GRTP1: variants seen among roughly 807,000 people sequenced by gnomAD.
GRTP1 encodes the protein growth hormone-regulated TBC protein 1.
In GRTP1, 56 loss-of-function variants were observed where a neutral mutation model predicts 38.1. The observed-to-expected ratio is 1.47, with a 90% CI of 1.19 to 1.84. The LOEUF (loss-of-function observed/expected upper bound fraction) is 1.84, where lower values mean the gene tolerates loss of function less well. GRTP1 is among the 40% of genes most tolerant of loss of function. GRTP1 has a pLI of 0.00. For missense variants in GRTP1, 506 were observed against 453.9 expected, an observed-to-expected ratio of 1.11 and a Z score of -1.04; for synonymous variants, 217 against 189.5, an observed-to-expected ratio of 1.14 and a Z score of -1.19.
In GRTP1 at chr13:113,331,265, C is replaced by T. The variant is rs539058184; in HGVS notation, c.563-5174G>A. ...CTTCCCAACAGACATGGTCTTTGCTCCTCATCTGAGCCACAGGATTGACCA... is the reference window on the plus strand; with the variant it reads ...CTTCCCAACAGACATGGTCTTTGCTTCTCATCTGAGCCACAGGATTGACCA... On this transcript the variant is annotated intron_variant, in intron 5 of 7. Transcript: ENST00000375431. Among the ~76,000 whole-genome samples, 14 of 152,316 alleles carry T rather than the reference C, an allele frequency of 9.2e-5. No homozygotes were observed. In the South Asian group the frequency reaches 1.7e-3, roughly 18 times the overall value.
At chr13:113,335,284 G>A (rs939398543) in intron 5 of GRTP1, among the ~76,000 whole-genome samples, 4 of 151,978 alleles carry the variant, frequency 2.6e-5, no homozygotes, top group Admixed American at 6.5e-5. Flanking sequence ...GAGGCTGGCC[G>A]TGGTGGTGTG....
chr13:113,330,308 G>A (rs1346609733), intron 5 of GRTP1, among the ~76,000 whole-genome samples: 1 of 126,854 alleles, frequency 7.9e-6, no homozygotes, highest in Non-Finnish European at 1.6e-5. Flanking sequence ...TGCGTGCATG[G>A]AGCCCAGGTG....
At position 113,325,719 on chromosome 13, in the gene GRTP1, T is replaced by C. The variant is rs375273020; in HGVS notation, c.863A>G (p.Asp288Gly). ...LEATSVPDIC[D>G]KFKQITKGSF... ...CCCTTTGGTTATCTGCTTAAACTTA[T>C]CGCAAATGTCTGGAACGCTGGTGGC... is the stretch of plus-strand genomic sequence containing the variant. The change falls in exon 7 of 8, where the codon GAT becomes GGT. Residue 288 changes from aspartate to glycine, a missense_variant. By Grantham distance (94) the Asp-to-Gly change is moderately conservative. Transcript: ENST00000375431. The C allele has an allele frequency of 9.8e-5, 158 of 1,614,196 alleles. 1 individual carries two copies. The highest frequency in any genetic ancestry group is 3.0e-4 in the South Asian group (27 of 91,088).
At position 113,333,836 on chromosome 13, in the gene GRTP1, T is replaced by G. The variant is rs1162632454; in HGVS notation, c.563-7745A>C. 4.4e-3 allele frequency among the ~76,000 whole-genome samples: 448 copies of G among 102,410 alleles called. 2 individuals are homozygous for G. The highest frequency in any genetic ancestry group is 0.016 in the African/African-American group (423 of 25,788). 67.2% of individuals were successfully genotyped at this position (102,410 alleles called of 152,430 possible). ...TTTATTTATTTATTTATTTATTTAT[T>G]TAGTGTGTGTGTGTGTGTGTGTGTG... On this transcript the variant is annotated intron_variant, in intron 5 of 7. Transcript: ENST00000375431.
At chr13:113,330,630 G>A (rs76676239) in intron 5 of GRTP1, among the ~76,000 whole-genome samples, 92 of 5,106 alleles carry the variant, frequency 0.018, no homozygotes, top group Admixed American at 0.037. Context: ...GTGCATGGGA[G>A]CCCAGGTGTG....
chr13:113,344,747 C>T (rs2043075028), intron 5 of GRTP1, 116 bp downstream of exon 5: 1 of 569,050 alleles, frequency 1.8e-6, no homozygotes, highest in Non-Finnish European at 3.0e-6. Flanking sequence ...GGTTTGTAAC[C>T]TCATCTCCCA....
At chr13:113,325,566 T>C (rs2139385175) in intron 7 of GRTP1, 95 bp downstream of exon 7, 1 of 1,599,002 alleles carries the variant, frequency 6.3e-7, no homozygotes, top group African/African-American at 1.3e-5. Flanking sequence ...CTGGTGCCCG[T>C]CCTGTGCACC....
At chr13:113,339,523 T>G (rs1425595718) in intron 5 of GRTP1, 3 of 152,248 alleles carry the variant, frequency 2.0e-5, no homozygotes, top group Non-Finnish European at 4.4e-5. Context: ...AATAAGGGTT[T>G]AATTTTGTTT....
rs925642503 is a variant in GRTP1 at position 113,348,407 on chromosome 13, C to T, written c.465+2442G>A. 7.9e-5 allele frequency among the ~76,000 whole-genome samples: 12 copies of T among 152,272 alleles called. No individual in the cohort carries two copies. The highest frequency in any genetic ancestry group is 4.1e-4 in the South Asian group (2 of 4,822). ...TTGAGGCTGCAGTGAGCCGAGATCA[C>T]GCCACTGCACTCCAGCCTGGGTGAC... On this transcript the variant is annotated intron_variant, in intron 4 of 7. Coordinates refer to ENST00000375431, the MANE Select transcript of GRTP1 (RefSeq NM_024719.4). The surrounding 1 kb of genome is among the most constrained non-coding windows in gnomAD (Gnocchi z 4.8).
In GRTP1 at chr13:113,325,793, G is replaced by A; in HGVS notation, c.789C>T (p.Phe263=). The A allele has an allele frequency of 6.2e-7, 1 of 1,614,170 alleles. No individual in the cohort carries two copies. Among genetic ancestry groups the A allele is most frequent in the Non-Finnish European group, 8.5e-7 (1 of 1,180,014 alleles). Residue 263 remains phenylalanine, a synonymous_variant, in exon 7 of 8, where the codon TTC becomes TTT. Transcript: ENST00000375431. The part of the protein sequence containing the change: ...CLFNEGSKII[F]RVALTLIKQH... ...GCTTAATTAAGGTCAGGGCCACCCGGAAGATAATCTTCGAGCCTTCGTTAA... is the reference window on the plus strand; with the variant it reads ...GCTTAATTAAGGTCAGGGCCACCCGAAAGATAATCTTCGAGCCTTCGTTAA...
chr13:113,341,408 A>G lies in GRTP1; in HGVS notation c.562+3455T>C, dbSNP rs571689568. Among the ~76,000 whole-genome samples the G allele has an allele frequency of 2.0e-5, 3 of 152,260 alleles. No homozygotes were observed. The East Asian group carries it at 5.8e-4, about 29-fold the overall frequency. ...CAGCCTCCCAAGTAGCTGGGACTAC[A>G]GGCACCCGCCACCACGCCCAGCTAA... On this transcript the variant is annotated intron_variant, in intron 5 of 7. Transcript: ENST00000375431.
chr13:113,327,501 G>C (rs1263682542), intron 5 of GRTP1, among the ~76,000 whole-genome samples: 2 of 152,130 alleles, frequency 1.3e-5, no homozygotes, highest in African/African-American at 2.4e-5. Flanking sequence ...TCAATATCTT[G>C]GTTAAAATAG....
chr13:113,344,357 G>T (rs1387748534), intron 5 of GRTP1, among the ~76,000 whole-genome samples: 6 of 152,162 alleles, frequency 3.9e-5, no homozygotes, highest in Admixed American at 3.9e-4. Flanking sequence ...GCTGCAGCCG[G>T]ACCCTGGCCA....
At position 113,327,851 on chromosome 13, in the gene GRTP1, T is replaced by C. The variant is rs547760224; in HGVS notation, c.563-1760A>G. Among the ~76,000 whole-genome samples the C allele has an allele frequency of 3.3e-5, 5 of 152,264 alleles. No individual in the cohort carries two copies. The East Asian group carries it at 9.7e-4, about 29-fold the overall frequency. ...AGGTGGTGTGGCAGGGGGGCTTGAG[T>C]GCCAGGCAGCAGGGGGTCTGCAGAG... On this transcript the variant is annotated intron_variant, in intron 5 of 7. Transcript: ENST00000375431.
In GRTP1 at chr13:113,332,103, T is replaced by A. The variant is rs552336343; in HGVS notation, c.563-6012A>T. Among the ~76,000 whole-genome samples the A allele has an allele frequency of 8.7e-4, 132 of 151,942 alleles. 2 individuals carry two copies. Among genetic ancestry groups the A allele is most frequent in the African/African-American group, 3.0e-3 (123 of 41,468 alleles). ...GGGCAACAAAATAAAAAATAAATTT[T>A]AAAAAACCTAGCCATGAAATAGCAA... On this transcript the variant is annotated intron_variant, in intron 5 of 7. Coordinates refer to ENST00000375431, the MANE Select transcript of GRTP1 (RefSeq NM_024719.4).
chr13:113,332,035 G>A (rs2042878585), intron 5 of GRTP1, among the ~76,000 whole-genome samples: 1 of 151,652 alleles, frequency 6.6e-6, no homozygotes, highest in Non-Finnish European at 1.5e-5. Flanking sequence ...CTGGGAGGCC[G>A]AGGTGGGAGG....
Position 113,326,003 on chromosome 13 carries a change from G to A in GRTP1, c.651C>T (p.Ala217=). The change falls in exon 6 of 8, where the codon GCC becomes GCT. Residue 217 remains alanine, a synonymous_variant. Coordinates refer to ENST00000375431, the MANE Select transcript of GRTP1 (RefSeq NM_024719.4). The part of the protein sequence containing the change: ...LVRAKLPAVG[A]LMERLGVLWT... ...ACAGCACACCGAGACGCTCCATCAG[G>A]GCCCCCACAGCCGGCAGCTTCGCCC... 1 of 1,613,714 alleles carries A rather than the reference G, an allele frequency of 6.2e-7. No individual in the cohort carries two copies. The highest frequency in any genetic ancestry group is 8.5e-7 in the Non-Finnish European group (1 of 1,179,922).
intron 2 of GRTP1, 116 bp from the exon 3 acceptor site, chr13:113,355,597 G>C: frequency 1.6e-6 from 2 of 1,241,840 alleles, no homozygotes; most frequent in Non-Finnish European, 2.1e-6. Context: ...ATATTAAAGA[G>C]ACCCAGAACT....
At chr13:113,331,648 CTTT>C (rs59328510) in intron 5 of GRTP1, among the ~76,000 whole-genome samples, 2 of 92,988 alleles carry the variant, frequency 2.2e-5, no homozygotes, top group East Asian at 3.5e-4. Context: ...GTTTGGTTTA[CTTT>C]TTTTTTTTTT....
Sources: gnomAD v4.1 joint callset for allele counts (sites outside exome capture counted in the v4.1 genomes callset) on GRCh38, gnomAD v4.1.1 for gene constraint, Gnocchi (gnomAD v3.1) non-coding constraint, MANE v1.5 for transcripts, NCBI Gene and HGNC (gene_info 2026-07-23, HGNC 2026-07-21) for gene names.